The following GKN1 variants were observed in gnomAD, a reference collection of about 807,000 sequenced individuals.
GKN1 encodes gastrokine-1.
GKN1 carries 17 observed loss-of-function variants against 19.7 expected under a neutral mutation model. The observed-to-expected ratio is 0.86, with a 90% CI of 0.59 to 1.29. The LOEUF (loss-of-function observed/expected upper bound fraction) is 1.29, where lower values mean the gene tolerates loss of function less well. GKN1 is among the 50% of genes most tolerant of loss of function. The pLI is 0.00. For synonymous variants in GKN1, 96 were observed against 78.3 expected, an observed-to-expected ratio of 1.23 and a Z score of -1.20; for missense variants, 218 against 224.5, an observed-to-expected ratio of 0.97 and a Z score of 0.19.
intron 2 of GKN1, 29 bp from the exon 3 acceptor site, chr2:68,977,608 A>T: frequency 6.2e-7 from 1 of 1,601,134 alleles, no homozygotes; most frequent in Non-Finnish European, 8.6e-7. Context: ...TGTGATATTA[A>T]ATCACTCTCA....
chr2:68,977,739 T>A lies in GKN1; in HGVS notation c.169T>A (p.Trp57Arg). ...NVANVDNNNG[W>R]DSWNSIWDYG... The stretch of plus-strand genomic sequence containing the variant: ...GGCCAATGTTGACAATAACAACGGA[T>A]GGGACTCCTGGAATTCCATCTGGGA... The change falls in exon 3 of 6, where the codon TGG (tryptophan) becomes AGG (arginine). Residue 57 changes from tryptophan to arginine, a missense_variant. Coordinates refer to ENST00000377938, the MANE Select transcript of GKN1 (RefSeq NM_019617.4). 1 of 1,611,604 alleles carries A rather than the reference T, an allele frequency of 6.2e-7. No homozygotes were observed. The highest frequency in any genetic ancestry group is 8.5e-7 in the Non-Finnish European group (1 of 1,177,676).
intron 3 of GKN1, chr2:68,978,247 G>GGGAA (rs1670298999): frequency 1.2e-5 from 1 of 84,048 alleles, no homozygotes; most frequent in African/African-American, 7.7e-5. Context: ...AAAGAAGGAA[G>GGGAA]GAAAGAAAGA....
In GKN1 at chr2:68,979,976, A is replaced by G; in HGVS notation, c.379A>G (p.Lys127Glu). ...KGLMYSVNPN[K>E]VDDLSKFGKN... ...CCTGATGTACTCAGTCAACCCAAACAAAGTCGATGACCTGAGCAAGTTCGG... is the reference window on the plus strand; with the variant it reads ...CCTGATGTACTCAGTCAACCCAAACGAAGTCGATGACCTGAGCAAGTTCGG... The change falls in exon 5 of 6, where the codon AAA becomes GAA. Residue 127 changes from lysine (K) to glutamate (E), a missense_variant. Transcript: ENST00000377938. The G allele has an allele frequency of 6.2e-7, 1 of 1,613,644 alleles. No homozygotes were observed. Among genetic ancestry groups the G allele is most frequent in the Non-Finnish European group, 8.5e-7 (1 of 1,179,534 alleles).
In GKN1 at chr2:68,980,882, T is replaced by A; in HGVS notation, c.*59T>A. 1 of 818,382 alleles carries A rather than the reference T, an allele frequency of 1.2e-6. No homozygotes were observed. Among genetic ancestry groups the A allele is most frequent in the Non-Finnish European group, 2.1e-6 (1 of 468,130 alleles). The allele number at this position is 818,382 out of a possible 1,614,324, so 50.7% of individuals were successfully genotyped here. ...CTGAATATGCTGTGCAGAAAAAATA[T>A]GGGCTCCAGTGGTTTTTACCATGTC... On this transcript the variant is annotated 3_prime_UTR_variant, in exon 6 of 6. Transcript: ENST00000377938.
chr2:68,977,372 A>C (rs1350963505), intron 1 of GKN1, 123 bp from the exon 2 acceptor site: 2 of 690,716 alleles, frequency 2.9e-6, no homozygotes, highest in Non-Finnish European at 5.1e-6. Flanking sequence ...AGAAAAAAAC[A>C]CATTGAACTA....
intron 5 of GKN1, 102 bp downstream of exon 5, chr2:68,980,162 A>T: frequency 1.0e-6 from 1 of 972,170 alleles, no homozygotes; most frequent in South Asian, 1.4e-5. Context: ...AGGGATGGTC[A>T]TCAAGGCCAA....
chr2:68,980,858 T>C lies in GKN1; in HGVS notation c.*35T>C. On this transcript the variant is annotated 3_prime_UTR_variant, in exon 6 of 6. Transcript: ENST00000377938. ...TAAAGCCACTATGGATTTAGTCATC[T>C]GAATATGCTGTGCAGAAAAAATATG... 9.9e-7 allele frequency: 1 copy of C among 1,010,818 alleles called. No homozygotes were observed. The highest frequency in any genetic ancestry group is 1.6e-6 in the Non-Finnish European group (1 of 631,480). 62.6% of individuals were successfully genotyped at this position (1,010,818 alleles called of 1,614,324 possible).
At chr2:68,980,082 C>T (rs748844825) in intron 5 of GKN1, 22 bp downstream of exon 5, 1 of 1,605,698 alleles carries the variant, frequency 6.2e-7, no homozygotes, top group Admixed American at 1.7e-5. Context: ...CCCTACTGTG[C>T]ACCCCAAGTT....
At chr2:68,975,921 C>T (rs952586461) in intron 1 of GKN1, among the ~76,000 whole-genome samples, 8 of 152,020 alleles carry the variant, frequency 5.3e-5, no homozygotes, top group African/African-American at 1.9e-4. Flanking sequence ...GTTCTCAAAA[C>T]TATTTTGTCC....
intron 1 of GKN1, among the ~76,000 whole-genome samples, chr2:68,975,859 T>C (rs1056301698): frequency 1.3e-5 from 2 of 152,212 alleles, no homozygotes; most frequent in Admixed American, 6.5e-5. Flanking sequence ...TTTTAAGCTA[T>C]TGGGAGAAAA....
chr2:68,979,040 A>G, intron 4 of GKN1, 59 bp downstream of exon 4: 2 of 801,802 alleles, frequency 2.5e-6, no homozygotes, highest in Non-Finnish European at 4.3e-6. Flanking sequence ...CCTTCAGTAA[A>G]TAACGAGAAG....
At chr2:68,980,165 A>G (rs980793384) in intron 5 of GKN1, 105 bp downstream of exon 5, 1 of 952,662 alleles carries the variant, frequency 1.0e-6, no homozygotes, top group Non-Finnish European at 1.7e-6. Context: ...GATGGTCATC[A>G]AGGCCAACAT....
intron 1 of GKN1, among the ~76,000 whole-genome samples, 161 bp downstream of exon 1, chr2:68,974,850 T>C (rs4430980): frequency 0.65 from 97,983 of 151,804 alleles, 31,839 homozygotes; most frequent in East Asian, 0.76. Flanking sequence ...CAACACACAC[T>C]AGGTCCTGTT....
In GKN1 at chr2:68,980,782, A is replaced by T. The variant is rs1670346928; in HGVS notation, c.517A>T (p.Ile173Phe). Reference sequence around the variant, plus strand: ...GTGCTACACGACCAGTGTACTATGGATTGTGGACATTTCCTTCTGTGGAGA... The same window carrying T: ...GTGCTACACGACCAGTGTACTATGGTTTGTGGACATTTCCTTCTGTGGAGA... ...GTCYTTSVLW[I>F]VDISFCGDTV... Residue 173 changes from isoleucine (I) to phenylalanine (F), a missense_variant, in exon 6 of 6, where the codon ATT becomes TTT. Physicochemically the swap from Ile to Phe is conservative, Grantham distance 21. Transcript: ENST00000377938. 5 of 1,596,308 alleles carry T rather than the reference A, an allele frequency of 3.1e-6. No individual in the cohort carries two copies. The highest frequency in any genetic ancestry group is 4.3e-6 in the Non-Finnish European group (5 of 1,163,852).
intron 4 of GKN1, among the ~76,000 whole-genome samples, chr2:68,979,471 A>G (rs1418299336): frequency 6.6e-6 from 1 of 152,218 alleles, no homozygotes; most frequent in African/African-American, 2.4e-5. Context: ...GGCCATACTA[A>G]TCCAGGTGAG....
At chr2:68,974,997 GA>G (rs5831955) in intron 1 of GKN1, among the ~76,000 whole-genome samples, 42,567 of 151,528 alleles carry the variant, frequency 0.28, 7,343 homozygotes, top group Non-Finnish European at 0.38. Context: ...AAGAAATAAT[GA>G]AAAAAAATCT....
intron 3 of GKN1, 133 bp from the exon 4 acceptor site, chr2:68,978,738 C>A: frequency 1.7e-6 from 1 of 586,706 alleles, no homozygotes; most frequent in Non-Finnish European, 3.1e-6. Flanking sequence ...CCAAGCAGTG[C>A]CCCATCCAGT....
At chr2:68,978,446 A>G (rs907538417) in intron 3 of GKN1, among the ~76,000 whole-genome samples, 1 of 152,132 alleles carries the variant, frequency 6.6e-6, no homozygotes, top group African/African-American at 2.4e-5. Flanking sequence ...TCAGCTATAT[A>G]TTTAACAAAC....
intron 1 of GKN1, 151 bp downstream of exon 1, chr2:68,974,840 CA>C: frequency 1.6e-6 from 1 of 634,156 alleles, no homozygotes; most frequent in Admixed American, 2.3e-5. Flanking sequence ...GAGAGGGGAA[CA>C]ACACACACTA....
Sources: allele counts gnomAD v4.1 joint callset (sites outside exome capture counted in the v4.1 genomes callset), GRCh38; gene constraint gnomAD v4.1.1; transcripts MANE v1.5; gene names NCBI Gene and HGNC (gene_info 2026-07-23, HGNC 2026-07-21).